The following ZNF776 variants were observed in gnomAD, a reference collection of about 807,000 sequenced individuals.
ZNF776 encodes zinc finger protein 776.
In ZNF776, 4 loss-of-function variants were observed where a neutral mutation model predicts 7.0. That is an observed-to-expected ratio of 0.57 (90% confidence interval 0.28 to 1.31). The LOEUF (loss-of-function observed/expected upper bound fraction) is 1.31. ZNF776 is among the 50% of genes most tolerant of loss of function. The probability of loss-of-function intolerance (pLI) is 0.10; values close to 1 mark genes in which losing one functional copy is unlikely to be tolerated. For missense variants in ZNF776, 555 were observed against 625.9 expected (o/e 0.89, Z 1.21); for synonymous variants, 212 against 213.7 (o/e 0.99, Z 0.07).
At position 57,747,011 on chromosome 19, in the gene ZNF776, T is replaced by G. The variant is rs1986452341; in HGVS notation, c.-48T>G. The stretch of plus-strand genomic sequence containing the variant: ...ATCGGGACCACCGTGCCCGGGTACC[T>G]GCACTGCTCGCCCCCTCCTTTCGAC... On this transcript the variant is annotated 5_prime_UTR_variant, in exon 1 of 3. Transcript: ENST00000317178. The G allele has an allele frequency of 6.5e-7, 1 of 1,539,028 alleles. No individual in the cohort carries two copies. Among genetic ancestry groups the G allele is most frequent in the African/African-American group, 1.4e-5 (1 of 72,770 alleles).
At position 57,753,539 on chromosome 19, in the gene ZNF776, A is replaced by G. The variant is rs369025164; in HGVS notation, c.409A>G (p.Ile137Val). ...ANHHQDQKQHIGEKSYRSNAK... is the reference protein window; with the variant it reads ...ANHHQDQKQHVGEKSYRSNAK... ...CCATCATCAAGACCAGAAGCAGCAC[A>G]TTGGAGAGAAATCGTACAGAAGCAA... The change falls in exon 3 of 3, where the codon ATT becomes GTT. Residue 137 changes from isoleucine (I) to valine (V), a missense_variant. Coordinates refer to ENST00000317178, the MANE Select transcript of ZNF776 (RefSeq NM_173632.4). 2.5e-6 allele frequency: 4 copies of G among 1,614,252 alleles called. No individual in the cohort carries two copies. The highest frequency in any genetic ancestry group is 1.1e-5 in the South Asian group (1 of 91,086).
chr19:57,754,802 C>A lies in ZNF776; in HGVS notation c.*115C>A. ...CAAAATCATCTAGCCAAAAGGTTGG[C>A]CTCATTCAACAATAGCAAGATCACA... On this transcript the variant is annotated 3_prime_UTR_variant, in exon 3 of 3. Coordinates refer to ENST00000317178, the MANE Select transcript of ZNF776 (RefSeq NM_173632.4). 9.5e-7 allele frequency: 1 copy of A among 1,047,850 alleles called. No individual in the cohort carries two copies. The highest frequency in any genetic ancestry group is 1.4e-6 in the Non-Finnish European group (1 of 724,720). 64.9% of individuals were successfully genotyped at this position (1,047,850 alleles called of 1,614,324 possible).
rs947266013 is a variant in ZNF776 at position 57,756,066 on chromosome 19, A to C, written c.*1379A>C. On this transcript the variant is annotated 3_prime_UTR_variant, in exon 3 of 3. Transcript: ENST00000317178. The stretch of plus-strand genomic sequence containing the variant: ...AATGATAGCTGATGAACTTTTTTAA[A>C]AAATCACACAAAAACCCTCATAATG... The C allele has an allele frequency of 1.3e-5, 2 of 152,210 alleles. No homozygotes were observed. The highest frequency in any genetic ancestry group is 4.8e-5 in the African/African-American group (2 of 41,448). The allele number at this position is 152,210 out of a possible 1,614,324, so 9.4% of individuals were successfully genotyped here.
chr19:57,757,987 G>A lies in ZNF776; in HGVS notation c.*3300G>A, dbSNP rs1043983098. 3.3e-5 allele frequency: 5 copies of A among 152,008 alleles called. No homozygotes were observed. Among genetic ancestry groups the A allele is most frequent in the African/African-American group, 1.2e-4 (5 of 41,372 alleles). The allele number at this position is 152,008 out of a possible 1,614,324, so 9.4% of individuals were successfully genotyped here. A position where few individuals can be genotyped will look rare whatever the true frequency, so the allele number is the denominator to read the frequency against. Reference sequence around the variant, plus strand: ...TATTTTTATTTCACATAGCAGGGATGCATATTTTGACATTCATCAATCATG... The same window carrying A: ...TATTTTTATTTCACATAGCAGGGATACATATTTTGACATTCATCAATCATG... On this transcript the variant is annotated 3_prime_UTR_variant, in exon 3 of 3. Coordinates refer to ENST00000317178, the MANE Select transcript of ZNF776 (RefSeq NM_173632.4).
chr19:57,747,245 G>A (rs1015569244), intron 1 of ZNF776, among the ~76,000 whole-genome samples, 154 bp downstream of exon 1: 3 of 152,194 alleles, frequency 2.0e-5, no homozygotes, highest in African/African-American at 4.8e-5. Flanking sequence ...GACACCCGCG[G>A]GATGCGCTCA....
rs1986692299 is a variant in ZNF776, at chr19:57,754,007, G to T, written c.877G>T (p.Glu293Ter). The change falls in exon 3 of 3, where the codon GAG becomes TAG. Residue 293 changes from glutamate (E) to a stop codon, truncating the protein, a stop_gained. Coordinates refer to ENST00000317178, the MANE Select transcript of ZNF776 (RefSeq NM_173632.4). LOFTEE classifies it low-confidence loss of function (END_TRUNC). ...AGTTCACACTGGAGAAAGACCTTAT[G>T]AGTGTGGAGAATGTGATAAATCTTT... ...QRVHTGERPY[E>*]CGECDKSFSH... 1 of 1,613,988 alleles carries T rather than the reference G, an allele frequency of 6.2e-7. No individual in the cohort carries two copies. Among genetic ancestry groups the T allele is most frequent in the Non-Finnish European group, 8.5e-7 (1 of 1,180,026 alleles).
intron 2 of ZNF776, 165 bp from the exon 3 acceptor site, chr19:57,753,126 G>A (rs1986654457): frequency 3.2e-6 from 2 of 626,900 alleles, no homozygotes; most frequent in Non-Finnish European, 5.4e-6. Context: ...TCCTTCCTGT[G>A]CAAACATCTA....
chr19:57,755,041 G>A lies in ZNF776; in HGVS notation c.*354G>A, dbSNP rs561654720. ...TGTAAGGAATTTGTAAAATTATTTA[G>A]CCAGAAGAGCTGCATTACTATTCAT... On this transcript the variant is annotated 3_prime_UTR_variant, in exon 3 of 3. Coordinates refer to ENST00000317178, the MANE Select transcript of ZNF776 (RefSeq NM_173632.4). 2.6e-5 allele frequency: 6 copies of A among 228,210 alleles called. No homozygotes were observed. The highest frequency in any genetic ancestry group is 5.2e-5 in the Admixed American group (1 of 19,362). 14.1% of individuals were successfully genotyped at this position (228,210 alleles called of 1,614,324 possible). A position where few individuals can be genotyped will look rare whatever the true frequency, so the allele number is the denominator to read the frequency against.
Position 57,747,076 on chromosome 19 carries a change from G to C in ZNF776, c.18G>C (p.Leu6=). The change falls in exon 1 of 3, where the codon CTG becomes CTC. Residue 6 remains leucine (L), a synonymous_variant. Transcript: ENST00000317178. ...CCAGTCGGATGGCGGCGGCCGCGCTGAGGCCCCCGGCTCAGGTAATTGTGG... is the reference window on the plus strand; with the variant it reads ...CCAGTCGGATGGCGGCGGCCGCGCTCAGGCCCCCGGCTCAGGTAATTGTGG... MAAAA[L]RPPAQGTVTF... 1.3e-6 allele frequency: 2 copies of C among 1,590,906 alleles called. No homozygotes were observed. Among genetic ancestry groups the C allele is most frequent in the Non-Finnish European group, 1.7e-6 (2 of 1,168,978 alleles).
chr19:57,746,913 C>A lies in ZNF776; in HGVS notation c.-146C>A, dbSNP rs772272036. 3.6e-4 allele frequency: 258 copies of A among 721,684 alleles called. No homozygotes were observed. Among genetic ancestry groups the A allele is most frequent in the Non-Finnish European group, 5.1e-4 (231 of 450,474 alleles). The allele number at this position is 721,684 out of a possible 1,614,324, so 44.7% of individuals were successfully genotyped here. On this transcript the variant is annotated 5_prime_UTR_variant, in exon 1 of 3. Transcript: ENST00000317178. ...CTGAACCCAGAAGGTGGAGACGAGA[C>A]GTTGTCCCGACTGCACAGAGGCTGC...
rs759242045 is a variant in ZNF776, at chr19:57,754,593, A to T, written c.1463A>T (p.His488Leu). The T allele has an allele frequency of 1.9e-6, 3 of 1,614,132 alleles. No individual in the cohort carries two copies. In the East Asian group the frequency reaches 6.7e-5, roughly 36 times the overall value. Residue 488 changes from histidine (H) to leucine (L), a missense_variant, in exon 3 of 3, where the codon CAT becomes CTT. His to Leu is a moderately conservative substitution (Grantham distance 99). Coordinates refer to ENST00000317178, the MANE Select transcript of ZNF776 (RefSeq NM_173632.4). ...CAGATTCACTCTGGAGAAAGGCCAC[A>T]TGAGTGTGGAGAATGTGGAAAGTGT... Reference protein sequence around the residue: ...HQQIHSGERPHECGECGKCFR... With the variant: ...HQQIHSGERPLECGECGKCFR...
chr19:57,755,573 A>G lies in ZNF776; in HGVS notation c.*886A>G, dbSNP rs1306542857. On this transcript the variant is annotated 3_prime_UTR_variant, in exon 3 of 3. Transcript: ENST00000317178. ...ATACCAGAATGTTGACAGGAGAAAA[A>G]TAACATAGATGTGTGGGAATATTAC... The G allele has an allele frequency of 6.6e-6, 1 of 152,230 alleles. No homozygotes were observed. Among genetic ancestry groups the G allele is most frequent in the Non-Finnish European group, 1.5e-5 (1 of 68,040 alleles). 9.4% of individuals were successfully genotyped at this position (152,230 alleles called of 1,614,324 possible).
chr19:57,746,880 A>G lies in ZNF776; in HGVS notation c.-179A>G, dbSNP rs527835461. ...GAGACCGCGGAGTGTTGGGTCGTGTAGAAGTGACTGAACCCAGAAGGTGGA... is the reference window on the plus strand; with the variant it reads ...GAGACCGCGGAGTGTTGGGTCGTGTGGAAGTGACTGAACCCAGAAGGTGGA... On this transcript the variant is annotated 5_prime_UTR_variant, in exon 1 of 3. Coordinates refer to ENST00000317178, the MANE Select transcript of ZNF776 (RefSeq NM_173632.4). The G allele has an allele frequency of 1.0e-4, 59 of 567,288 alleles. No homozygotes were observed. In the African/African-American group the frequency reaches 1.1e-3, roughly 10 times the overall value. 35.1% of individuals were successfully genotyped at this position (567,288 alleles called of 1,614,324 possible).
In ZNF776 at chr19:57,746,985, G is replaced by T. The variant is rs1339183793; in HGVS notation, c.-74G>T. The T allele has an allele frequency of 2.8e-6, 4 of 1,450,970 alleles. No individual in the cohort carries two copies. Among genetic ancestry groups the T allele is most frequent in the Non-Finnish European group, 3.7e-6 (4 of 1,074,612 alleles). The allele number at this position is 1,450,970 out of a possible 1,614,324, so 89.9% of individuals were successfully genotyped here. ...TAGGCGTGACCCGCACCAAGGCCGG[G>T]ATCGGGACCACCGTGCCCGGGTACC... On this transcript the variant is annotated 5_prime_UTR_variant, in exon 1 of 3. Coordinates refer to ENST00000317178, the MANE Select transcript of ZNF776 (RefSeq NM_173632.4).
At chr19:57,747,827 C>A (rs1286346880) in intron 1 of ZNF776, among the ~76,000 whole-genome samples, 1 of 147,266 alleles carries the variant, frequency 6.8e-6, no homozygotes, top group Non-Finnish European at 1.5e-5. Flanking sequence ...ATTGGGATGT[C>A]CTGGGATTCT....
chr19:57,750,818 T>C lies in ZNF776; in HGVS notation c.67T>C (p.Phe23Leu). Residue 23 changes from phenylalanine (F) to leucine (L), a missense_variant, in exon 2 of 3, where the codon TTT (phenylalanine) becomes CTT (leucine). Coordinates refer to ENST00000317178, the MANE Select transcript of ZNF776 (RefSeq NM_173632.4). ...GACCTTTGAAGATGTGGCTGTGAAC[T>C]TTTCCCAGGAGGAATGGAGTCTCCT... The part of the protein sequence containing the change: ...TVTFEDVAVN[F>L]SQEEWSLLSE... 6.2e-7 allele frequency: 1 copy of C among 1,612,744 alleles called. No individual in the cohort carries two copies. The highest frequency in any genetic ancestry group is 1.1e-5 in the South Asian group (1 of 91,028).
Position 57,753,777 on chromosome 19 carries a change from C to T in ZNF776, c.647C>T (p.Pro216Leu), listed in dbSNP as rs1454295047. ...THYICGESTI[P>L]FSNKHSLVLH... ...TACATCTGTGGAGAGTCCACAATAC[C>T]GTTTAGCAACAAACACTCACTTGTC... is the stretch of plus-strand genomic sequence containing the variant. The change falls in exon 3 of 3, where the codon CCG becomes CTG. Residue 216 changes from proline (P) to leucine (L), a missense_variant. Physicochemically the swap from Pro to Leu is moderately conservative, Grantham distance 98. Coordinates refer to ENST00000317178, the MANE Select transcript of ZNF776 (RefSeq NM_173632.4). The T allele has an allele frequency of 8.1e-6, 13 of 1,614,106 alleles. No homozygotes were observed. Among genetic ancestry groups the T allele is most frequent in the Admixed American group, 3.3e-5 (2 of 60,006 alleles).
chr19:57,749,202 C>A (rs1002406039), intron 1 of ZNF776: 1 of 152,132 alleles, frequency 6.6e-6, no homozygotes, highest in African/African-American at 2.4e-5. Context: ...GAACTCCTGA[C>A]CTCATGATCC....
rs1296696398 is a variant in ZNF776 at position 57,747,049 on chromosome 19, A to G, written c.-10A>G. 7 of 1,583,740 alleles carry G rather than the reference A, an allele frequency of 4.4e-6. No homozygotes were observed. The highest frequency in any genetic ancestry group is 6.0e-6 in the Non-Finnish European group (7 of 1,164,974). Reference sequence around the variant, plus strand: ...CCCTCCTTTCGACCCCGCTTTCCCCACCCAGTCGGATGGCGGCGGCCGCGC... The same window carrying G: ...CCCTCCTTTCGACCCCGCTTTCCCCGCCCAGTCGGATGGCGGCGGCCGCGC... On this transcript the variant is annotated 5_prime_UTR_variant, in exon 1 of 3. Transcript: ENST00000317178.
Sources: gnomAD v4.1 joint callset for allele counts (sites outside exome capture counted in the v4.1 genomes callset) on GRCh38, gnomAD v4.1.1 for gene constraint, MANE v1.5 for transcripts, NCBI Gene and HGNC (gene_info 2026-07-23, HGNC 2026-07-21) for gene names.